NFIL3: variants seen among roughly 807,000 people sequenced by gnomAD.
NFIL3 encodes the protein nuclear factor, interleukin 3 regulated.
A neutral mutation model predicts 10.0 loss-of-function variants in NFIL3; 5 were observed. The ratio of observed to expected loss-of-function variants is 0.50; its 90% CI spans 0.26 to 1.06. The LOEUF is 1.06. NFIL3 is among the 50% of genes least tolerant of loss of function. NFIL3 has a pLI of 0.13. For synonymous variants in NFIL3, 202 were observed against 206.5 expected (o/e 0.98, Z 0.19); for missense variants, 436 against 547.6 (o/e 0.80, Z 2.03).
the NFIL3 span, among the ~76,000 whole-genome samples, chr9:91,465,643 A>AT: frequency 7.3e-5 from 11 of 150,496 alleles, no homozygotes; most frequent in East Asian, 7.8e-4. Flanking sequence ...TAGTGTGTGC[A>AT]TTTTTTTTTC....
chr9:91,460,283 T>TTTTTTTTTTTTTTTTTTTTTG, the NFIL3 span, among the ~76,000 whole-genome samples: 1 of 129,022 alleles, frequency 7.8e-6, no homozygotes, highest in African/African-American at 3.5e-5. Context: ...TTTTTTTTTT[T>TTTTTTTTTTTTTTTTTTTTTG]TTTTTTTTTG....
At chr9:91,467,253 ATGTG>A in the NFIL3 span, among the ~76,000 whole-genome samples, 1 of 152,030 alleles carries the variant, frequency 6.6e-6, no homozygotes, top group African/African-American at 2.4e-5. Flanking sequence ...TATATAGCAT[ATGTG>A]TGTATGTATA....
upstream of NFIL3, among the ~76,000 whole-genome samples, chr9:91,428,145 C>G (rs1481421976): frequency 1.3e-5 from 2 of 152,182 alleles, no homozygotes; most frequent in Non-Finnish European, 2.9e-5. Context: ...GCTATTCATG[C>G]CATTTTTAAT....
At chr9:91,465,976 GGT>G in the NFIL3 span, among the ~76,000 whole-genome samples, 5 of 150,724 alleles carry the variant, frequency 3.3e-5, no homozygotes, top group South Asian at 2.1e-4. Context: ...TAAAGGGTGT[GGT>G]GTGTGTGTGT....
the NFIL3 span, among the ~76,000 whole-genome samples, chr9:91,481,298 C>T: frequency 6.6e-6 from 1 of 152,058 alleles, no homozygotes. Flanking sequence ...ATTTCACTAG[C>T]ATAAAACGTA....
At chr9:91,452,038 C>G in the NFIL3 span, among the ~76,000 whole-genome samples, 4 of 152,160 alleles carry the variant, frequency 2.6e-5, no homozygotes, top group Non-Finnish European at 5.9e-5. Context: ...CTCCTCTTGA[C>G]TAAGGGCATT....
the NFIL3 span, among the ~76,000 whole-genome samples, chr9:91,437,334 G>A: frequency 1.3e-5 from 2 of 152,084 alleles, no homozygotes; most frequent in Admixed American, 6.6e-5. Context: ...TTTTGGATCA[G>A]GAATACATAT....
At chr9:91,468,149 A>G in the NFIL3 span, among the ~76,000 whole-genome samples, 1 of 152,228 alleles carries the variant, frequency 6.6e-6, no homozygotes, top group Non-Finnish European at 1.5e-5. Context: ...TTACAGTCCC[A>G]CCAACAGTGT....
At chr9:91,468,242 G>C in the NFIL3 span, among the ~76,000 whole-genome samples, 2 of 152,242 alleles carry the variant, frequency 1.3e-5, no homozygotes, top group African/African-American at 4.8e-5. Flanking sequence ...ACTGGCGTGA[G>C]ATGGTATCTC....
At chr9:91,482,923 A>G in the NFIL3 span, among the ~76,000 whole-genome samples, 3 of 152,242 alleles carry the variant, frequency 2.0e-5, no homozygotes, top group Non-Finnish European at 2.9e-5. Context: ...AAAGGCGCAC[A>G]TGTCAGCAGC....
chr9:91,415,665 T>C (rs543438820), intron 1 of NFIL3, among the ~76,000 whole-genome samples: 1 of 152,154 alleles, frequency 6.6e-6, no homozygotes, highest in South Asian at 2.1e-4. Context: ...TTTGCTCTTG[T>C]TGCCCAGGCT....
At chr9:91,481,085 G>C in the NFIL3 span, among the ~76,000 whole-genome samples, 2 of 152,176 alleles carry the variant, frequency 1.3e-5, no homozygotes, top group Non-Finnish European at 2.9e-5. Flanking sequence ...GTTTTTAAAA[G>C]TTAAATAACA....
In NFIL3 at chr9:91,410,795, A is replaced by C; in HGVS notation, c.-61T>G. The C allele has an allele frequency of 6.8e-7, 1 of 1,469,412 alleles. No homozygotes were observed. The allele number at this position is 1,469,412 out of a possible 1,614,324, so 91.0% of individuals were successfully genotyped here. ...AACAAATTAATTTCCCCGTATTCTC[A>C]AGCTCTTTAAAAACTCTGGTTTAAA... On this transcript the variant is annotated 5_prime_UTR_variant, in exon 2 of 2. Transcript: ENST00000297689. The surrounding 1 kb of genome is among the most constrained non-coding windows in gnomAD (Gnocchi z 5.7).
chr9:91,443,092 A>T, the NFIL3 span, among the ~76,000 whole-genome samples: 1 of 152,092 alleles, frequency 6.6e-6, no homozygotes, highest in Non-Finnish European at 1.5e-5. Flanking sequence ...CATGCACATG[A>T]ATATCTAGCT....
At chr9:91,470,527 C>T in the NFIL3 span, among the ~76,000 whole-genome samples, 1 of 151,888 alleles carries the variant, frequency 6.6e-6, no homozygotes, top group African/African-American at 2.4e-5. Context: ...TTCTTCAGTT[C>T]TGCTCTGATC....
the NFIL3 span, among the ~76,000 whole-genome samples, chr9:91,439,145 G>A: frequency 1.7e-4 from 26 of 152,062 alleles, no homozygotes; most frequent in Non-Finnish European, 3.1e-4. Context: ...TTGTATTCAT[G>A]GGCATGGGAT....
At chr9:91,428,069 T>A (rs1457042111), upstream of NFIL3, among the ~76,000 whole-genome samples, 3 of 152,208 alleles carry the variant, frequency 2.0e-5, no homozygotes, top group Non-Finnish European at 4.4e-5. Flanking sequence ...CAATGAGTCA[T>A]TGACTGTTGA....
At chr9:91,445,023 A>AGG in the NFIL3 span, among the ~76,000 whole-genome samples, 1 of 152,112 alleles carries the variant, frequency 6.6e-6, no homozygotes, top group Non-Finnish European at 1.5e-5. Context: ...TCACTCTCTG[A>AGG]GGCACAAGTG....
chr9:91,437,312 A>G, the NFIL3 span, among the ~76,000 whole-genome samples: 7 of 152,258 alleles, frequency 4.6e-5, no homozygotes, highest in Admixed American at 4.6e-4. Flanking sequence ...TTGATGTATT[A>G]CATGTTATAT....
Sources: gnomAD v4.1 joint callset for allele counts (sites outside exome capture counted in the v4.1 genomes callset) on GRCh38, gnomAD v4.1.1 for gene constraint, Gnocchi (gnomAD v3.1) non-coding constraint, MANE v1.5 for transcripts, NCBI Gene and HGNC (gene_info 2026-07-23, HGNC 2026-07-21) for gene names.